ASIC2: variants seen among roughly 807,000 people sequenced by gnomAD.
ASIC2 encodes the protein acid sensing ion channel subunit 2.
In ASIC2, 25 loss-of-function variants were observed where a neutral mutation model predicts 57.3. The ratio of observed to expected loss-of-function variants is 0.44; its 90% CI spans 0.32 to 0.61. ASIC2 has a LOEUF of 0.61. Among genes scored for constraint, ASIC2 ranks in the 20% least tolerant of loss-of-function variants. The pLI, the probability that ASIC2 is intolerant of heterozygous loss-of-function variation, is 0.06. For synonymous variants in ASIC2, 319 were observed against 307.5 expected (o/e 1.04, Z -0.39); for missense variants, 641 against 738.1 (o/e 0.87, Z 1.52).
chr17:33,997,972 TA>T (rs1391862949), intron 1 of ASIC2, among the ~76,000 whole-genome samples: 2 of 152,202 alleles, frequency 1.3e-5, no homozygotes, highest in African/African-American at 4.8e-5. Flanking sequence ...ATAATTGAAT[TA>T]TTTTTTAAAT....
chr17:34,053,250 T>C (rs1482265705), intron 1 of ASIC2, among the ~76,000 whole-genome samples: 2 of 152,158 alleles, frequency 1.3e-5, no homozygotes, highest in Non-Finnish European at 2.9e-5. Flanking sequence ...GTATATTAAG[T>C]TTAATGCGTC....
At chr17:33,996,367 T>G (rs1180943085) in intron 1 of ASIC2, among the ~76,000 whole-genome samples, 1 of 152,236 alleles carries the variant, frequency 6.6e-6, no homozygotes, top group Non-Finnish European at 1.5e-5. Context: ...CAATCTCGTT[T>G]GTCTAGTTTT....
At chr17:33,342,415 G>A (rs1301663887) in intron 1 of ASIC2, among the ~76,000 whole-genome samples, 4 of 151,978 alleles carry the variant, frequency 2.6e-5, no homozygotes, top group Non-Finnish European at 5.9e-5. Context: ...GTAAGCATGT[G>A]GTTCTTGTGT....
chr17:33,047,411 T>C (rs1380442610), intron 3 of ASIC2, among the ~76,000 whole-genome samples: 1 of 151,948 alleles, frequency 6.6e-6, no homozygotes, highest in Non-Finnish European at 1.5e-5. Flanking sequence ...CCATCATAGC[T>C]CACTGTACCC....
chr17:33,415,113 T>G (rs192047141), intron 1 of ASIC2, among the ~76,000 whole-genome samples: 80 of 152,356 alleles, frequency 5.3e-4, no homozygotes, highest in African/African-American at 1.9e-3. Context: ...TGATTGACTC[T>G]GTGACTTTAG....
At position 33,079,958 on chromosome 17, in the gene ASIC2, C is replaced by A. The variant is rs142075959; in HGVS notation, c.987+8905G>T. Among the ~76,000 whole-genome samples, 1,144 of 152,104 alleles carry A rather than the reference C, an allele frequency of 7.5e-3. 66 individuals carry two copies. Among genetic ancestry groups the A allele is most frequent in the Admixed American group, 0.071 (1,081 of 15,274 alleles). On this transcript the variant is annotated intron_variant, in intron 3 of 9. Coordinates refer to ENST00000225823, the MANE Select transcript of ASIC2 (RefSeq NM_183377.2). The stretch of plus-strand genomic sequence containing the variant: ...CAATTATGGGGTGCAGGTGTGGGGA[C>A]AGGGAGAAGATGAATTTAGTTTTGC...
chr17:33,265,136 G>A (rs1909415488), intron 1 of ASIC2, among the ~76,000 whole-genome samples: 1 of 152,192 alleles, frequency 6.6e-6, no homozygotes, highest in African/African-American at 2.4e-5. Flanking sequence ...TCCCAGATGG[G>A]CCATTTTCTT....
chr17:33,245,807 G>A (rs1018445270), intron 1 of ASIC2, among the ~76,000 whole-genome samples: 2 of 152,206 alleles, frequency 1.3e-5, no homozygotes, highest in Non-Finnish European at 2.9e-5. Flanking sequence ...CATAGGCTAA[G>A]GCAGATGCCA....
At chr17:33,248,722 T>C (rs1469753283) in intron 1 of ASIC2, among the ~76,000 whole-genome samples, 1 of 152,164 alleles carries the variant, frequency 6.6e-6, no homozygotes, top group East Asian at 1.9e-4. Flanking sequence ...CATCAATCTC[T>C]ATCTCCGTGG....
chr17:34,091,117 A>G (rs1016034136), intron 1 of ASIC2, among the ~76,000 whole-genome samples: 50 of 152,228 alleles, frequency 3.3e-4, no homozygotes, highest in African/African-American at 9.9e-4. Flanking sequence ...TCAATGAGAT[A>G]CCAACTCCAG....
intron 1 of ASIC2, among the ~76,000 whole-genome samples, chr17:33,170,896 T>C (rs189680144): frequency 6.6e-6 from 1 of 152,342 alleles, no homozygotes; most frequent in East Asian, 1.9e-4. Flanking sequence ...CCCTGATCAA[T>C]TGGAATTTGT....
chr17:33,156,327 C>T (rs1435771745), intron 1 of ASIC2, among the ~76,000 whole-genome samples: 1 of 151,294 alleles, frequency 6.6e-6, no homozygotes, highest in East Asian at 2.0e-4. Flanking sequence ...AGGGTTTCTC[C>T]ATTTTGGCCA....
intron 1 of ASIC2, among the ~76,000 whole-genome samples, chr17:33,677,393 C>T (rs1360701912): frequency 6.6e-6 from 1 of 152,152 alleles, no homozygotes; most frequent in African/African-American, 2.4e-5. Flanking sequence ...GCCCATGGAT[C>T]AAGAAGTAAT....
At chr17:34,014,336 C>T (rs113170060) in intron 1 of ASIC2, among the ~76,000 whole-genome samples, 20 of 152,266 alleles carry the variant, frequency 1.3e-4, no homozygotes, top group Admixed American at 4.6e-4. Flanking sequence ...GTGGTTTGGC[C>T]GGAGCCTGTG....
At chr17:33,040,233 T>C (rs890364870) in intron 3 of ASIC2, among the ~76,000 whole-genome samples, 13 of 152,190 alleles carry the variant, frequency 8.5e-5, no homozygotes, top group African/African-American at 2.9e-4. Flanking sequence ...GCCATGCCTT[T>C]GCATCAGTCA....
intron 1 of ASIC2, among the ~76,000 whole-genome samples, chr17:33,516,189 G>T (rs1736749142): frequency 1.3e-5 from 2 of 152,198 alleles, no homozygotes; most frequent in African/African-American, 4.8e-5. Flanking sequence ...GCTGGGTGGA[G>T]CCCAGAACTG....
At chr17:33,710,692 T>G (rs985053224) in intron 1 of ASIC2, among the ~76,000 whole-genome samples, 3 of 152,192 alleles carry the variant, frequency 2.0e-5, no homozygotes, top group Non-Finnish European at 4.4e-5. Flanking sequence ...AATCATCTGA[T>G]TTTACAAATA....
chr17:33,850,654 A>G (rs533408236), intron 1 of ASIC2, among the ~76,000 whole-genome samples: 2 of 152,326 alleles, frequency 1.3e-5, no homozygotes, highest in African/African-American at 4.8e-5. Context: ...GAGCACACAT[A>G]TAATAGAGTC....
rs536207967 is a variant in ASIC2 at position 33,209,283 on chromosome 17, T to C, written c.708+82125A>G. 1.2e-4 allele frequency among the ~76,000 whole-genome samples: 18 copies of C among 152,376 alleles called. No individual in the cohort carries two copies. In the South Asian group the frequency reaches 1.9e-3, roughly 16 times the overall value. On this transcript the variant is annotated intron_variant, in intron 1 of 9. Coordinates refer to ENST00000225823, the MANE Select transcript of ASIC2 (RefSeq NM_183377.2). ...GCTGGGATATTTAAAACTTTATTTA[T>C]AAGTTGTTCCAGTTTTGTTTTTTGT...
Sources: gnomAD v4.1 joint callset for allele counts (sites outside exome capture counted in the v4.1 genomes callset) on GRCh38, gnomAD v4.1.1 for gene constraint, MANE v1.5 for transcripts, NCBI Gene and HGNC (gene_info 2026-07-23, HGNC 2026-07-21) for gene names.